The following BRK1 variants were observed in gnomAD, a reference collection of about 807,000 sequenced individuals.
BRK1 encodes the protein protein BRICK1.
In BRK1, 6 loss-of-function variants were observed where a neutral mutation model predicts 9.9. The ratio of observed to expected loss-of-function variants is 0.60; its 90% CI spans 0.33 to 1.19. The LOEUF is 1.19. BRK1 is among the 50% of genes most tolerant of loss of function. The pLI is 0.04. For missense variants in BRK1, 62 were observed against 97.5 expected (o/e 0.64, Z 1.53); for synonymous variants, 44 against 31.9 (o/e 1.38, Z -1.28).
intron 1 of BRK1, among the ~76,000 whole-genome samples, chr3:10,118,772 G>A (rs1299123018): frequency 6.6e-6 from 1 of 152,066 alleles, no homozygotes; most frequent in Non-Finnish European, 1.5e-5. Flanking sequence ...ACAGGCATGA[G>A]CCACTGTGCC....
intron 1 of BRK1, among the ~76,000 whole-genome samples, chr3:10,117,274 C>T (rs1296961136): frequency 6.6e-6 from 1 of 151,814 alleles, no homozygotes; most frequent in Non-Finnish European, 1.5e-5. Context: ...AGAAATGTCC[C>T]TTTTCTTGCT....
chr3:10,123,089 T>C (rs1695780684), intron 1 of BRK1, among the ~76,000 whole-genome samples: 1 of 152,246 alleles, frequency 6.6e-6, no homozygotes, highest in Non-Finnish European at 1.5e-5. Context: ...TAGAAGATAA[T>C]GACCATGCTA....
chr3:10,115,884 C>T, intron 1 of BRK1, 65 bp downstream of exon 1: 2 of 1,311,072 alleles, frequency 1.5e-6, no homozygotes, highest in Admixed American at 1.8e-5. Context: ...GCTGGGGCGC[C>T]GGGGAGATGC....
rs6797536 is a variant in BRK1, at chr3:10,127,118, A to G, written c.*823A>G. On this transcript the variant is annotated 3_prime_UTR_variant, in exon 3 of 3. Transcript: ENST00000530758. ...AGCTCATCTTGGGAATCATTTGGTC[A>G]TTCAGCACATTTACCAAGTATTTAC... The G allele has an allele frequency of 0.16, 24,283 of 152,294 alleles. 2,500 individuals carry two copies. The highest frequency in any genetic ancestry group is 0.29 in the African/African-American group (12,060 of 41,516). The allele number at this position is 152,294 out of a possible 1,614,324, so 9.4% of individuals were successfully genotyped here.
At chr3:10,118,045 C>T (rs1050956348) in intron 1 of BRK1, among the ~76,000 whole-genome samples, 3 of 151,936 alleles carry the variant, frequency 2.0e-5, no homozygotes, top group South Asian at 2.1e-4. Flanking sequence ...CACCTGAGGT[C>T]GAGTTTGAGA....
At chr3:10,125,605 A>AC in intron 1 of BRK1, 21 bp from the exon 2 acceptor site, 1 of 1,538,120 alleles carries the variant, frequency 6.5e-7, no homozygotes, top group African/African-American at 1.4e-5. Context: ...TTAATCCTGA[A>AC]CACCAGTCTC....
chr3:10,126,245 G>A (rs1396820942), intron 2 of BRK1, 24 bp from the exon 3 acceptor site: 7 of 1,500,978 alleles, frequency 4.7e-6, no homozygotes, highest in Non-Finnish European at 5.3e-6. Context: ...TTATCTAAAT[G>A]TCAGTTTTCC....
chr3:10,125,591 G>C (rs776290004), intron 1 of BRK1, 35 bp from the exon 2 acceptor site: 1 of 1,346,846 alleles, frequency 7.4e-7, no homozygotes, highest in South Asian at 1.2e-5. Context: ...TGTTTGGAGT[G>C]ACATTAATCC....
chr3:10,118,411 T>C (rs964259468), intron 1 of BRK1, among the ~76,000 whole-genome samples: 1 of 152,144 alleles, frequency 6.6e-6, no homozygotes, highest in African/African-American at 2.4e-5. Flanking sequence ...GATGTTTTTT[T>C]CCCATCCTAA....
chr3:10,120,841 A>C (rs1559419295), intron 1 of BRK1, among the ~76,000 whole-genome samples: 1 of 152,196 alleles, frequency 6.6e-6, no homozygotes, highest in African/African-American at 2.4e-5. Context: ...CAGAATAGCC[A>C]CCCAGGAAGG....
chr3:10,116,669 T>C (rs1695690973), intron 1 of BRK1, among the ~76,000 whole-genome samples: 1 of 152,202 alleles, frequency 6.6e-6, no homozygotes, highest in African/African-American at 2.4e-5. Flanking sequence ...ATATAGGGAC[T>C]AGTGTACTTT....
At chr3:10,118,785 G>A (rs922682387) in intron 1 of BRK1, among the ~76,000 whole-genome samples, 1 of 151,954 alleles carries the variant, frequency 6.6e-6, no homozygotes, top group South Asian at 2.1e-4. Flanking sequence ...ACTGTGCCTG[G>A]CCATAAGTGG....
Position 10,115,755 on chromosome 3 carries a change from C to T in BRK1, c.54C>T (p.Asn18=). 1.2e-6 allele frequency: 2 copies of T among 1,613,218 alleles called. No individual in the cohort carries two copies. Among genetic ancestry groups the T allele is most frequent in the Non-Finnish European group, 1.7e-6 (2 of 1,179,532 alleles). ...GGGAGATTCACCAGGACTGGGCTAA[C>T]CGGGAGTACATTGAGATAATCACCA... ...VQREIHQDWA[N]REYIEIITSS... The change falls in exon 1 of 3, where the codon AAC becomes AAT. Residue 18 remains asparagine (N), a synonymous_variant. Coordinates refer to ENST00000530758, the MANE Select transcript of BRK1 (RefSeq NM_018462.5).
chr3:10,120,850 G>C lies in BRK1; in HGVS notation c.119-4776G>C, dbSNP rs572678709. 5.9e-5 allele frequency among the ~76,000 whole-genome samples: 9 copies of C among 152,296 alleles called. No individual in the cohort carries two copies. The South Asian group carries it at 1.9e-3, about 32-fold the overall frequency. On this transcript the variant is annotated intron_variant, in intron 1 of 2. Transcript: ENST00000530758. ...CTAGAACAGAATAGCCACCCAGGAA[G>C]GAAACTTCCCTCTCTCCTACCTCCC...
At chr3:10,116,866 A>G (rs1165927117) in intron 1 of BRK1, among the ~76,000 whole-genome samples, 2 of 152,218 alleles carry the variant, frequency 1.3e-5, no homozygotes, top group African/African-American at 4.8e-5. Context: ...AGAAGTTCTA[A>G]TCTTGAAGAT....
intron 1 of BRK1, among the ~76,000 whole-genome samples, chr3:10,117,940 T>C (rs115128864): frequency 0.011 from 1,706 of 152,262 alleles, 40 homozygotes; most frequent in African/African-American, 0.039. Context: ...GGAATTTGAC[T>C]TAGCAGTTAG....
intron 1 of BRK1, among the ~76,000 whole-genome samples, chr3:10,123,732 CTT>C (rs71626962): frequency 4.3e-4 from 21 of 48,690 alleles, no homozygotes; most frequent in African/African-American, 2.4e-3. Context: ...CGTGCCTGGC[CTT>C]TTTTTTTTTT....
chr3:10,125,057 C>CATA (rs1283664830), intron 1 of BRK1, among the ~76,000 whole-genome samples: 1 of 152,156 alleles, frequency 6.6e-6, no homozygotes, highest in Non-Finnish European at 1.5e-5. Context: ...ACCTGCAAAG[C>CATA]CCTGTTTCCT....
At chr3:10,122,544 C>CAAA (rs113114651) in intron 1 of BRK1, among the ~76,000 whole-genome samples, 1 of 151,124 alleles carries the variant, frequency 6.6e-6, no homozygotes, top group Non-Finnish European at 1.5e-5. Context: ...CCATATCTAC[C>CAAA]AAAACAAAAA....
Sources: allele counts gnomAD v4.1 joint callset (sites outside exome capture counted in the v4.1 genomes callset), GRCh38; gene constraint gnomAD v4.1.1; transcripts MANE v1.5; gene names NCBI Gene and HGNC (gene_info 2026-07-23, HGNC 2026-07-21).